The following CNP variants were observed in gnomAD, a reference collection of about 807,000 sequenced individuals.
CNP encodes the protein 2',3'-cyclic-nucleotide 3'-phosphodiesterase.
In CNP, 8 loss-of-function variants were observed where a neutral mutation model predicts 37.9. That is an observed-to-expected ratio of 0.21 (90% confidence interval 0.12 to 0.38). The LOEUF (loss-of-function observed/expected upper bound fraction) is 0.38, where lower values mean the gene tolerates loss of function less well. Ranked by LOEUF, CNP falls within the 10% of genes least tolerant of loss-of-function variation. The pLI, the probability that CNP is intolerant of heterozygous loss-of-function variation, is 1.00. For synonymous variants in CNP, 237 were observed against 238.3 expected, an observed-to-expected ratio of 0.99 and a Z score of 0.05; for missense variants, 457 against 551.0, an observed-to-expected ratio of 0.83 and a Z score of 1.71.
chr17:41,971,871 G>A (rs1333408468), intron 2 of CNP, 21 bp from the exon 3 acceptor site: 1 of 1,613,402 alleles, frequency 6.2e-7, no homozygotes, highest in Non-Finnish European at 8.5e-7. Flanking sequence ...TGCCCTGACT[G>A]CACCCGTTTT....
At position 41,973,690 on chromosome 17, in the gene CNP, G is replaced by C. The variant is rs781997085; in HGVS notation, c.1032G>C (p.Thr344=). ...CAGCTGACGTAGAGGCCGTGCAGAC[G>C]GGCCTTGACCTCTTAGAGATTCTGC... The part of the protein sequence containing the change: ...GCAADVEAVQ[T]GLDLLEILRQ... The change falls in exon 4 of 4, where the codon ACG becomes ACC. Residue 344 remains threonine, a synonymous_variant. Transcript: ENST00000393892. 1.2e-6 allele frequency: 2 copies of C among 1,613,486 alleles called. No homozygotes were observed. Among genetic ancestry groups the C allele is most frequent in the Admixed American group, 1.7e-5 (1 of 59,968 alleles).
rs2051086279 is a variant in CNP, at chr17:41,976,590, C to G, written c.*2666C>G. On this transcript the variant is annotated 3_prime_UTR_variant, in exon 4 of 4. Transcript: ENST00000393892. ...GGTTCCCTTTGCTCCACCCCACTCA[C>G]AGAGACACAGGGCATCCAACTGAGA... The G allele has an allele frequency of 1.8e-6, 2 of 1,081,456 alleles. No individual in the cohort carries two copies. The highest frequency in any genetic ancestry group is 2.6e-6 in the Non-Finnish European group (2 of 766,560). 67.0% of individuals were successfully genotyped at this position (1,081,456 alleles called of 1,614,324 possible).
Position 41,968,651 on chromosome 17 carries a change from A to G in CNP, c.587A>G (p.Lys196Arg). 1 of 1,614,162 alleles carries G rather than the reference A, an allele frequency of 6.2e-7. No individual in the cohort carries two copies. Among genetic ancestry groups the G allele is most frequent in the East Asian group, 2.2e-5 (1 of 44,884 alleles). Residue 196 changes from lysine (K) to arginine (R), a missense_variant, in exon 2 of 4, where the codon AAG becomes AGG. Physicochemically the swap from Lys to Arg is conservative, Grantham distance 26 (BLOSUM62 2). Around this residue, in one of 2 missense-constraint regions of CNP, gnomAD observed 166 missense variants for 259.3 expected, o/e 0.64. Coordinates refer to ENST00000393892, the MANE Select transcript of CNP (RefSeq NM_033133.5). The surrounding 1 kb of genome is among the most constrained non-coding windows in gnomAD (Gnocchi z 4.8). ...CTCTACTTCGGCTGGTTCCTGACCA[A>G]GAAGAGCTCTGAGACCCTCCGCAAA... ...LPLYFGWFLT[K>R]KSSETLRKAG...
Position 41,974,074 on chromosome 17 carries a change from A to G in CNP, c.*150A>G. On this transcript the variant is annotated 3_prime_UTR_variant, in exon 4 of 4. Coordinates refer to ENST00000393892, the MANE Select transcript of CNP (RefSeq NM_033133.5). ...TTTTTAAAAACTTGTAAAATAACTG[A>G]CCCTCCCTTCCTGTCCGCCCTCTTC... The G allele has an allele frequency of 7.8e-6, 5 of 644,928 alleles. No individual in the cohort carries two copies. The South Asian group carries it at 1.1e-4, about 15-fold the overall frequency. 40.0% of individuals were successfully genotyped at this position (644,928 alleles called of 1,614,324 possible).
At position 41,973,479 on chromosome 17, in the gene CNP, T is replaced by TA; in HGVS notation, c.824dup (p.Lys276GlufsTer38). The TA allele has an allele frequency of 6.2e-7, 1 of 1,613,348 alleles. No individual in the cohort carries two copies. The highest frequency in any genetic ancestry group is 8.5e-7 in the Non-Finnish European group (1 of 1,179,572). On this transcript the variant is annotated frameshift_variant, in exon 4 of 4. Transcript: ENST00000393892. LOFTEE classifies it high-confidence loss of function. ...CCTCTTTCTCACTCTCCCCAGGTGT[T>TA]AAAGAAATCTTACTCCAAGGCCTTC...
Position 41,974,122 on chromosome 17 carries a change from A to G in CNP, c.*198A>G. On this transcript the variant is annotated 3_prime_UTR_variant, in exon 4 of 4. Coordinates refer to ENST00000393892, the MANE Select transcript of CNP (RefSeq NM_033133.5). ...TTCCCCTCTAATGCTCACGCTCCCA[A>G]CACAAGGTGGGCAGGGAGGCACCAT... 2.3e-6 allele frequency: 1 copy of G among 443,918 alleles called. No homozygotes were observed. The highest frequency in any genetic ancestry group is 3.8e-6 in the Non-Finnish European group (1 of 265,260). 27.5% of individuals were successfully genotyped at this position (443,918 alleles called of 1,614,324 possible).
intron 2 of CNP, 40 bp from the exon 3 acceptor site, chr17:41,971,852 C>T (rs1272893102): frequency 3.1e-6 from 5 of 1,611,708 alleles, no homozygotes; most frequent in Middle Eastern, 1.6e-4. Context: ...TGGTATGCCC[C>T]TGCTCCCCTG....
intron 2 of CNP, chr17:41,971,232 C>T (rs1239535212): frequency 6.6e-6 from 1 of 152,172 alleles, no homozygotes; most frequent in African/African-American, 2.4e-5. Flanking sequence ...TCCCAGCCCT[C>T]TGTTTTCTTT....
In CNP at chr17:41,973,596, A is replaced by T; in HGVS notation, c.938A>T (p.Asp313Val). ...CAGCAACTGCAGTTGTGGCCGAGTG[A>T]TGTGGACAAGCTGTCACCCACTGAC... The part of the protein sequence containing the change: ...SEQQLQLWPS[D>V]VDKLSPTDNL... Residue 313 changes from aspartate (D) to valine (V), a missense_variant, in exon 4 of 4, where the codon GAT becomes GTT. Coordinates refer to ENST00000393892, the MANE Select transcript of CNP (RefSeq NM_033133.5). 1 of 1,614,202 alleles carries T rather than the reference A, an allele frequency of 6.2e-7. No individual in the cohort carries two copies. The highest frequency in any genetic ancestry group is 8.5e-7 in the Non-Finnish European group (1 of 1,180,040).
chr17:41,967,065 C>A, intron 1 of CNP, 178 bp downstream of exon 1: 1 of 585,608 alleles, frequency 1.7e-6, no homozygotes, highest in Non-Finnish European at 2.5e-6. Context: ...TTTGGGGTGC[C>A]GGAGAGGCCG....
At chr17:41,972,876 C>T (rs991198393) in intron 3 of CNP, among the ~76,000 whole-genome samples, 5 of 152,208 alleles carry the variant, frequency 3.3e-5, no homozygotes, top group Admixed American at 3.3e-4. Flanking sequence ...AGCGTTTATG[C>T]TGAGATGGGA....
Position 41,977,456 on chromosome 17 carries a change from C to G in CNP, c.*3532C>G, listed in dbSNP as rs782149692. 8 of 777,956 alleles carry G rather than the reference C, an allele frequency of 1.0e-5. No individual in the cohort carries two copies. The highest frequency in any genetic ancestry group is 1.7e-5 in the African/African-American group (1 of 57,258). 48.2% of individuals were successfully genotyped at this position (777,956 alleles called of 1,614,324 possible). On this transcript the variant is annotated 3_prime_UTR_variant, in exon 4 of 4. Coordinates refer to ENST00000393892, the MANE Select transcript of CNP (RefSeq NM_033133.5). ...GTCTCACTCCCCTCCTTTCCCAACA[C>G]TTCAGACTGCAAGTGAGCAAACCTG... is the stretch of plus-strand genomic sequence containing the variant.
In CNP at chr17:41,973,794, G is replaced by A. The variant is rs2051030365; in HGVS notation, c.1136G>A (p.Arg379His). 22 of 1,612,514 alleles carry A rather than the reference G, an allele frequency of 1.4e-5. No homozygotes were observed. The East Asian group carries it at 3.8e-4, about 28-fold the overall frequency. ...AAGCTCTATTCCTTGGGCAATGGGC[G>A]CTGGATGCTGACCCTGGCCAAGAAC... ...RGKLYSLGNG[R>H]WMLTLAKNME... is the part of the protein sequence containing the mutation. The change falls in exon 4 of 4, where the codon CGC becomes CAC. Residue 379 changes from arginine (R) to histidine (H), a missense_variant. Coordinates refer to ENST00000393892, the MANE Select transcript of CNP (RefSeq NM_033133.5).
chr17:41,968,331 C>G lies in CNP; in HGVS notation c.267C>G (p.Thr89=), dbSNP rs1555643229. Residue 89 remains threonine (T), a synonymous_variant, in exon 2 of 4, where the codon ACC becomes ACG. Transcript: ENST00000393892. The surrounding 1 kb of genome is among the most constrained non-coding windows in gnomAD (Gnocchi z 4.8). ...TGTCGGCTGACGCTTACAAGATCAC[C>G]CCCGGCGCTCGAGGAGCCTTCTCCG... is the stretch of plus-strand genomic sequence containing the variant. The part of the protein sequence containing the change: ...KMVSADAYKI[T]PGARGAFSEE... 1 of 1,614,112 alleles carries G rather than the reference C, an allele frequency of 6.2e-7. No individual in the cohort carries two copies. The highest frequency in any genetic ancestry group is 1.1e-5 in the South Asian group (1 of 91,074).
chr17:41,973,886 C>T lies in CNP; in HGVS notation c.1228C>T (p.Arg410Trp), dbSNP rs540321367. 4.0e-5 allele frequency: 62 copies of T among 1,565,332 alleles called. No homozygotes were observed. The highest frequency in any genetic ancestry group is 4.7e-5 in the Non-Finnish European group (54 of 1,153,814). Residue 410 changes from arginine to tryptophan, a missense_variant, in exon 4 of 4, where the codon CGG (arginine) becomes TGG (tryptophan). This residue lies in a region of CNP where 291 missense variants were observed against 291.7 expected (regional missense o/e 1.00). Transcript: ENST00000393892. ...KGKPVPTQGS[R>W]KGGALQSCTI... ...CAAACCTGTGCCCACGCAAGGTAGC[C>T]GGAAGGGGGGCGCCTTGCAGTCCTG...
intron 3 of CNP, 125 bp downstream of exon 3, chr17:41,972,156 T>C: frequency 8.5e-7 from 1 of 1,179,052 alleles, no homozygotes; most frequent in Admixed American, 2.2e-5. Flanking sequence ...TCAAGAAAAA[T>C]GGCATCTCCT....
Position 41,977,305 on chromosome 17 carries a change from A to G in CNP, c.*3381A>G. On this transcript the variant is annotated 3_prime_UTR_variant, in exon 4 of 4. Coordinates refer to ENST00000393892, the MANE Select transcript of CNP (RefSeq NM_033133.5). ...AGGACCGCCAAAGAATGCCTTGAAG[A>G]TATTGTTTGGATCAAAATCTGTAGA... The G allele has an allele frequency of 1.9e-6, 3 of 1,583,462 alleles. No individual in the cohort carries two copies. The highest frequency in any genetic ancestry group is 1.8e-5 in the Admixed American group (1 of 54,960).
In CNP at chr17:41,968,090, G is replaced by A; in HGVS notation, c.26G>A (p.Ser9Asn). 1 of 1,613,798 alleles carries A rather than the reference G, an allele frequency of 6.2e-7. No homozygotes were observed. Among genetic ancestry groups the A allele is most frequent in the South Asian group, 1.1e-5 (1 of 91,062 alleles). MNRGFSRK[S>N]HTFLPKIFFR... The stretch of plus-strand genomic sequence containing the variant: ...CAGAACAGAGGCTTCTCCCGAAAAA[G>A]CCACACATTCCTGCCCAAGATCTTC... Residue 9 changes from serine (S) to asparagine (N), a missense_variant, in exon 2 of 4, where the codon AGC becomes AAC. Ser to Asn is a conservative substitution (Grantham distance 46, BLOSUM62 1). Transcript: ENST00000393892. The surrounding 1 kb of genome is among the most constrained non-coding windows in gnomAD (Gnocchi z 4.8).
chr17:41,973,404 C>CCT (rs1555644131), intron 3 of CNP, 71 bp from the exon 4 acceptor site: 1 of 1,454,054 alleles, frequency 6.9e-7, no homozygotes, highest in African/African-American at 1.4e-5. Context: ...CAGGAGGGAC[C>CCT]CTCCCTGGGT....
Sources: gnomAD v4.1 joint callset for allele counts (sites outside exome capture counted in the v4.1 genomes callset) on GRCh38, gnomAD v4.1.1 for gene constraint, gnomAD v4.1.1 regional missense constraint, Gnocchi (gnomAD v3.1) non-coding constraint, MANE v1.5 for transcripts, NCBI Gene and HGNC (gene_info 2026-07-23, HGNC 2026-07-21) for gene names.